The following GALNT18 variants were observed in gnomAD, a reference collection of about 807,000 sequenced individuals.
The protein encoded by GALNT18 is polypeptide N-acetylgalactosaminyltransferase 18.
Under a neutral mutation model 69.5 loss-of-function variants are expected in GALNT18, and 44 were observed. The ratio of observed to expected loss-of-function variants is 0.63; its 90% CI spans 0.50 to 0.81. GALNT18 has a LOEUF of 0.81. GALNT18 is among the 40% of genes least tolerant of loss of function. The probability of loss-of-function intolerance (pLI) is 0.00; values close to 1 mark genes in which losing one functional copy is unlikely to be tolerated. For missense variants in GALNT18, 715 were observed against 810.0 expected, an observed-to-expected ratio of 0.88 and a Z score of 1.42; for synonymous variants, 364 against 318.2, an observed-to-expected ratio of 1.14 and a Z score of -1.53.
intron 2 of GALNT18, among the ~76,000 whole-genome samples, chr11:11,438,767 G>C (rs1322122991): frequency 6.6e-6 from 1 of 152,216 alleles, no homozygotes; most frequent in African/African-American, 2.4e-5. Context: ...GTTGTTCCCA[G>C]GCTGCCAAAT....
At chr11:11,514,140 C>CAT (rs1444845312) in intron 1 of GALNT18, among the ~76,000 whole-genome samples, 1 of 152,228 alleles carries the variant, frequency 6.6e-6, no homozygotes, top group African/African-American at 2.4e-5. Context: ...TCCAATGATT[C>CAT]CCACATCACA....
intron 10 of GALNT18, among the ~76,000 whole-genome samples, chr11:11,286,449 T>C (rs1363900293): frequency 6.6e-6 from 1 of 152,176 alleles, no homozygotes; most frequent in Non-Finnish European, 1.5e-5. Flanking sequence ...AGCAGGACCC[T>C]TGGACTATTA....
At chr11:11,521,296 A>G (rs955512369) in intron 1 of GALNT18, among the ~76,000 whole-genome samples, 2 of 152,124 alleles carry the variant, frequency 1.3e-5, no homozygotes, top group Non-Finnish European at 2.9e-5. Context: ...ACATTTTTAA[A>G]TTACAAGAAA....
intron 8 of GALNT18, among the ~76,000 whole-genome samples, chr11:11,331,628 C>T (rs1211970443): frequency 6.6e-6 from 1 of 152,184 alleles, no homozygotes; most frequent in Non-Finnish European, 1.5e-5. Flanking sequence ...TCTGAGGGGA[C>T]ACTCTCCAAA....
At chr11:11,378,592 C>T (rs374272204) in intron 4 of GALNT18, among the ~76,000 whole-genome samples, 46 of 152,330 alleles carry the variant, frequency 3.0e-4, no homozygotes, top group Middle Eastern at 3.4e-3. Context: ...TCTGAGATTA[C>T]GTGCTACCTC....
Position 11,304,553 on chromosome 11 carries a change from C to T in GALNT18, c.1513-11360G>A, listed in dbSNP as rs1849547727. ...TCCTATGCACTGAGGAATACTTCCC[C>T]TGACACTCTTCACAAACAACAGTCT... is the stretch of plus-strand genomic sequence containing the variant. On this transcript the variant is annotated intron_variant, in intron 9 of 10. Transcript: ENST00000227756. 2.6e-5 allele frequency among the ~76,000 whole-genome samples: 4 copies of T among 152,190 alleles called. No individual in the cohort carries two copies. In the South Asian group the frequency reaches 8.3e-4, roughly 32 times the overall value.
rs1859966686 is a variant in GALNT18, at chr11:11,613,590, A to T, written c.235+7769T>A. On this transcript the variant is annotated intron_variant, in intron 1 of 10. Transcript: ENST00000227756. This position sits in a 1 kb window ranked among gnomAD's most constrained non-coding sequence, Gnocchi z 4.2. Reference sequence around the variant, plus strand: ...ATGTGTGAGGAAGGGGGAAACATCAAGGACCCCTGGGCTCAAGCATTGCAT... The same window carrying T: ...ATGTGTGAGGAAGGGGGAAACATCATGGACCCCTGGGCTCAAGCATTGCAT... Among the ~76,000 whole-genome samples, 1 of 152,220 alleles carries T rather than the reference A, an allele frequency of 6.6e-6. No homozygotes were observed. The highest frequency in any genetic ancestry group is 1.5e-5 in the Non-Finnish European group (1 of 68,036).
At chr11:11,594,184 C>T (rs545797463) in intron 1 of GALNT18, among the ~76,000 whole-genome samples, 62 of 152,272 alleles carry the variant, frequency 4.1e-4, no homozygotes, top group African/African-American at 1.4e-3. Context: ...TGCTTCCTGT[C>T]CAGAGGGACC....
rs1025778246 is a variant in GALNT18 at position 11,338,371 on chromosome 11, G to T, written c.1278+2448C>A. On this transcript the variant is annotated intron_variant, in intron 7 of 10. Transcript: ENST00000227756. The surrounding 1 kb of genome is among the most constrained non-coding windows in gnomAD (Gnocchi z 5.3). ...AGATTTGAAGGAGATAAAGACTTGA[G>T]CCAGGAAAACCAGCTGAAGCTTGTG... Among the ~76,000 whole-genome samples the T allele has an allele frequency of 2.0e-5, 3 of 152,008 alleles. No homozygotes were observed. Among genetic ancestry groups the T allele is most frequent in the Non-Finnish European group, 2.9e-5 (2 of 67,902 alleles).
At chr11:11,327,038 G>A in intron 9 of GALNT18, 48 bp downstream of exon 9, 2 of 1,335,016 alleles carry the variant, frequency 1.5e-6, no homozygotes. Flanking sequence ...CCCCATGCCA[G>A]GCACTCATAT....
In GALNT18 at chr11:11,602,666, A is replaced by C. The variant is rs1308738471; in HGVS notation, c.235+18693T>G. Reference sequence around the variant, plus strand: ...GACTTTAGATGGGTGTTGTTTAATAATTTTTACCAGTTATGTTGTTTCACT... The same window carrying C: ...GACTTTAGATGGGTGTTGTTTAATACTTTTTACCAGTTATGTTGTTTCACT... On this transcript the variant is annotated intron_variant, in intron 1 of 10. Transcript: ENST00000227756. The surrounding 1 kb of genome is among the most constrained non-coding windows in gnomAD (Gnocchi z 4.7). Among the ~76,000 whole-genome samples, 1 of 152,044 alleles carries C rather than the reference A, an allele frequency of 6.6e-6. No homozygotes were observed. The highest frequency in any genetic ancestry group is 1.5e-5 in the Non-Finnish European group (1 of 68,016).
intron 6 of GALNT18, among the ~76,000 whole-genome samples, chr11:11,350,555 G>A (rs557690872): frequency 6.6e-6 from 1 of 152,322 alleles, no homozygotes; most frequent in African/African-American, 2.4e-5. Context: ...GCCAGGAGTA[G>A]AGTGGTCTCC....
At chr11:11,462,278 T>C (rs1448768889) in intron 1 of GALNT18, among the ~76,000 whole-genome samples, 2 of 133,760 alleles carry the variant, frequency 1.5e-5, no homozygotes, top group African/African-American at 2.6e-5. Context: ...TCTTTTCTTT[T>C]TTTTTTTTTT....
At chr11:11,407,117 G>A (rs535952473) in intron 3 of GALNT18, among the ~76,000 whole-genome samples, 13 of 152,338 alleles carry the variant, frequency 8.5e-5, no homozygotes, top group South Asian at 8.3e-4. Context: ...AGATTGCCAA[G>A]CCCAGGACTT....
intron 1 of GALNT18, among the ~76,000 whole-genome samples, chr11:11,551,703 T>C (rs555960453): frequency 6.6e-6 from 1 of 152,312 alleles, no homozygotes; most frequent in African/African-American, 2.4e-5. Context: ...CGCTTCCATG[T>C]GAAGAGACCA....
rs1176773580 is a variant in GALNT18, at chr11:11,340,939, G to A, written c.1158C>T (p.Ala386=). 1.2e-6 allele frequency: 2 copies of A among 1,613,576 alleles called. No individual in the cohort carries two copies. The highest frequency in any genetic ancestry group is 1.7e-6 in the Non-Finnish European group (2 of 1,179,794). Reference sequence around the variant, plus strand: ...TGAGGTCCTCTGTGTAGGGCTTGTGGGCTCGCTCAATGTGGGCAATCCGTG... The same window carrying A: ...TGAGGTCCTCTGTGTAGGGCTTGTGAGCTCGCTCAATGTGGGCAATCCGTG... ...PCSRIAHIER[A]HKPYTEDLTA... is the part of the protein sequence containing the mutation. The change falls in exon 7 of 11, where the codon GCC becomes GCT. Residue 386 remains alanine, a synonymous_variant. Coordinates refer to ENST00000227756, the MANE Select transcript of GALNT18 (RefSeq NM_198516.3). This position sits in a 1 kb window ranked among gnomAD's most constrained non-coding sequence, Gnocchi z 4.2.
intron 1 of GALNT18, among the ~76,000 whole-genome samples, chr11:11,518,075 A>ATG (rs1222094110): frequency 6.6e-6 from 1 of 152,210 alleles, no homozygotes; most frequent in African/African-American, 2.4e-5. Context: ...AGAGCCCTAA[A>ATG]GATACCAGCA....
intron 3 of GALNT18, among the ~76,000 whole-genome samples, chr11:11,418,724 TGA>T (rs1564938680): frequency 6.6e-6 from 1 of 152,204 alleles, no homozygotes; most frequent in Admixed American, 6.5e-5. Context: ...GCGTGATGGC[TGA>T]CACTTGAGAA....
At chr11:11,536,605 C>T (rs938592681) in intron 1 of GALNT18, among the ~76,000 whole-genome samples, 4 of 146,216 alleles carry the variant, frequency 2.7e-5, no homozygotes, top group Admixed American at 6.6e-5. Context: ...CGATGAAACC[C>T]GCCAAGACCT....
Sources: allele counts gnomAD v4.1 joint callset (sites outside exome capture counted in the v4.1 genomes callset), GRCh38; gene constraint gnomAD v4.1.1; non-coding constraint Gnocchi (gnomAD v3.1); transcripts MANE v1.5; gene names NCBI Gene and HGNC (gene_info 2026-07-23, HGNC 2026-07-21).